XDH: variants seen among roughly 807,000 people sequenced by gnomAD.
XDH encodes xanthine dehydrogenase.
A neutral mutation model predicts 156.1 loss-of-function variants in XDH; 138 were observed. The observed-to-expected ratio is 0.88, with a 90% CI of 0.77 to 1.02. The LOEUF (loss-of-function observed/expected upper bound fraction) is 1.02, where lower values mean the gene tolerates loss of function less well. XDH is among the 50% of genes least tolerant of loss of function. XDH has a pLI of 0.00. For missense variants in XDH, 1,849 were observed against 1,684.9 expected (o/e 1.10, Z -1.71); for synonymous variants, 669 against 625.7 (o/e 1.07, Z -1.03).
chr2:31,342,849 C>T (rs538286978), intron 31 of XDH, among the ~76,000 whole-genome samples: 18 of 152,236 alleles, frequency 1.2e-4, no homozygotes, highest in African/African-American at 2.2e-4. Flanking sequence ...GGAAATGATA[C>T]GAATAGAAAC....
chr2:31,337,492 A>C, intron 35 of XDH, 149 bp downstream of exon 35: 2 of 1,071,974 alleles, frequency 1.9e-6, no homozygotes, highest in Admixed American at 1.9e-5. Flanking sequence ...TGTGCTTCAT[A>C]CCATGCACAA....
chr2:31,348,445 G>A (rs1685363323), intron 27 of XDH, 82 bp from the exon 28 acceptor site: 1 of 1,325,000 alleles, frequency 7.5e-7, no homozygotes, highest in Non-Finnish European at 1.1e-6. Context: ...ATGGAGCCCA[G>A]GAACAAGAGA....
rs1685847519 is a variant in XDH at position 31,364,159 on chromosome 2, C to T, written c.2630G>A (p.Ser877Asn). The change falls in exon 24 of 36, where the codon AGT becomes AAT. Residue 877 changes from serine (S) to asparagine (N), a missense_variant and splice_region_variant. By Grantham distance (46) the Ser-to-Asn change is conservative. Transcript: ENST00000379416. ...NVGNTQDLSQ[S>N]IMERALFHMD... ...GGGGCGGCTGCAGGTCCTACTCACA[C>T]TCTGAGAGAGATCCTGGGTGTTCCC... The T allele has an allele frequency of 3.1e-6, 5 of 1,613,982 alleles. No homozygotes were observed. The highest frequency in any genetic ancestry group is 2.2e-5 in the East Asian group (1 of 44,882).
chr2:31,396,400 AG>A (rs372497645), intron 6 of XDH, among the ~76,000 whole-genome samples: 137 of 152,348 alleles, frequency 9.0e-4, no homozygotes, highest in African/African-American at 3.2e-3. Flanking sequence ...CTCAGGAAAC[AG>A]TGAGTAACTT....
chr2:31,362,588 T>C (rs1411652873), intron 24 of XDH, among the ~76,000 whole-genome samples: 1 of 152,230 alleles, frequency 6.6e-6, no homozygotes, highest in Non-Finnish European at 1.5e-5. Flanking sequence ...TTCAATTAGC[T>C]CGTCATAATT....
chr2:31,348,891 G>C lies in XDH; in HGVS notation c.3051+8C>G. ...GCGGAGATGGACACAATTCTATAAA[G>C]CAATTACCTGATTCAGAAAAGGAAC... On this transcript the variant is annotated splice_region_variant and intron_variant, in intron 27 of 35. Transcript: ENST00000379416. The C allele has an allele frequency of 6.2e-7, 1 of 1,609,682 alleles. No individual in the cohort carries two copies.
chr2:31,409,022 G>C (rs1035992553), intron 1 of XDH, among the ~76,000 whole-genome samples: 1 of 152,178 alleles, frequency 6.6e-6, no homozygotes. Context: ...ATTACGTTAA[G>C]TGAAATAAGT....
chr2:31,370,897 G>C (rs902637246), intron 17 of XDH, among the ~76,000 whole-genome samples: 1 of 152,196 alleles, frequency 6.6e-6, no homozygotes, highest in Non-Finnish European at 1.5e-5. Context: ...GTGATGCTCT[G>C]TCTGGTCTCC....
intron 2 of XDH, among the ~76,000 whole-genome samples, chr2:31,405,277 A>C (rs1302408961): frequency 1.3e-5 from 2 of 152,096 alleles, no homozygotes; most frequent in Non-Finnish European, 2.9e-5. Context: ...TCCAATTATT[A>C]TTATCGTTTT....
chr2:31,374,312 T>G (rs1462341066), intron 15 of XDH, among the ~76,000 whole-genome samples: 3 of 152,222 alleles, frequency 2.0e-5, no homozygotes, highest in Non-Finnish European at 4.4e-5. Flanking sequence ...GGGAAGCATT[T>G]AATGATATGG....
chr2:31,341,162 G>A (rs1685113809), intron 33 of XDH, among the ~76,000 whole-genome samples, 167 bp downstream of exon 33: 1 of 152,096 alleles, frequency 6.6e-6, no homozygotes, highest in Non-Finnish European at 1.5e-5. Flanking sequence ...AGGGTTGGTT[G>A]GACTATCACC....
intron 30 of XDH, 143 bp downstream of exon 30, chr2:31,346,626 T>TA: frequency 9.6e-7 from 1 of 1,038,096 alleles, no homozygotes; most frequent in South Asian, 1.3e-5. Flanking sequence ...ATTCATCCTG[T>TA]AAAATCACAC....
In XDH at chr2:31,409,991, G is replaced by A. The variant is rs762850446; in HGVS notation, c.43-4027C>T. Among the ~76,000 whole-genome samples, 117 of 152,268 alleles carry A rather than the reference G, an allele frequency of 7.7e-4. 2 individuals carry two copies. The highest frequency in any genetic ancestry group is 1.1e-3 in the Non-Finnish European group (74 of 68,020). ...GCCAAACTGTGAAAGCAACCAAAAT[G>A]TCCATCAATAGATGAATGGATAAGC... On this transcript the variant is annotated intron_variant, in intron 1 of 35. Coordinates refer to ENST00000379416, the MANE Select transcript of XDH (RefSeq NM_000379.4).
At chr2:31,396,292 A>G (rs1286822018) in intron 6 of XDH, among the ~76,000 whole-genome samples, 1 of 152,158 alleles carries the variant, frequency 6.6e-6, no homozygotes, top group Non-Finnish European at 1.5e-5. Flanking sequence ...ATACTCAAAA[A>G]TCCTTCTCTT....
At chr2:31,383,948 TC>T in intron 9 of XDH, 101 bp from the exon 10 acceptor site, 1 of 1,016,982 alleles carries the variant, frequency 9.8e-7, no homozygotes, top group Non-Finnish European at 1.5e-6. Flanking sequence ...ATATGACATA[TC>T]CACAATCATA....
chr2:31,389,401 T>C (rs1030815705), intron 6 of XDH, among the ~76,000 whole-genome samples: 6 of 151,684 alleles, frequency 4.0e-5, no homozygotes, highest in African/African-American at 1.2e-4. Context: ...GCTCCAGCAC[T>C]GGACACCAGA....
Position 31,366,882 on chromosome 2 carries a change from G to T in XDH, c.2310C>A (p.Thr770=), listed in dbSNP as rs1219196633. 1 of 1,614,068 alleles carries T rather than the reference G, an allele frequency of 6.2e-7. No individual in the cohort carries two copies. Among genetic ancestry groups the T allele is most frequent in the Non-Finnish European group, 8.5e-7 (1 of 1,180,038 alleles). ...EMELFVSTQN[T]MKTQSFVAKM... ...AAAAGGCATCTACCTGGGTCTTCATGGTGTTCTGTGTAGACACAAAGAGCT... is the reference window on the plus strand; with the variant it reads ...AAAAGGCATCTACCTGGGTCTTCATTGTGTTCTGTGTAGACACAAAGAGCT... The change falls in exon 21 of 36, where the codon ACC becomes ACA. Residue 770 remains threonine, a synonymous_variant. Transcript: ENST00000379416.
At chr2:31,407,222 T>C (rs1323099908) in intron 1 of XDH, among the ~76,000 whole-genome samples, 6 of 152,148 alleles carry the variant, frequency 3.9e-5, no homozygotes, top group Non-Finnish European at 7.3e-5. Flanking sequence ...CTTTGCAGCA[T>C]AGGGGAAGAG....
chr2:31,348,268 C>A lies in XDH; in HGVS notation c.3147G>T (p.Gln1049His). The stretch of plus-strand genomic sequence containing the variant: ...AACACTGCCAGAGAGGGCTGCTCAC[C>A]TGGACCATTTTGGTATGAAGGCCTT... ...MGQGLHTKMVQVASRALKIPT... is the reference protein window; with the variant it reads ...MGQGLHTKMVHVASRALKIPT... Residue 1049 changes from glutamine (Q) to histidine (H), a missense_variant and splice_region_variant, in exon 28 of 36, where the codon CAG (glutamine) becomes CAT (histidine). By Grantham distance (24) the Gln-to-His change is conservative (BLOSUM62 0). Coordinates refer to ENST00000379416, the MANE Select transcript of XDH (RefSeq NM_000379.4). 1 of 1,614,186 alleles carries A rather than the reference C, an allele frequency of 6.2e-7. No individual in the cohort carries two copies. The highest frequency in any genetic ancestry group is 8.5e-7 in the Non-Finnish European group (1 of 1,180,018).
Sources: gnomAD v4.1 joint callset for allele counts (sites outside exome capture counted in the v4.1 genomes callset) on GRCh38, gnomAD v4.1.1 for gene constraint, MANE v1.5 for transcripts, NCBI Gene and HGNC (gene_info 2026-07-23, HGNC 2026-07-21) for gene names.